The following DCP1B variants were observed in gnomAD, a reference collection of about 807,000 sequenced individuals.
DCP1B encodes decapping mRNA 1B.
Under a neutral mutation model 60.5 loss-of-function variants are expected in DCP1B, and 47 were observed. The observed-to-expected ratio is 0.78, with a 90% CI of 0.61 to 0.99. The LOEUF is 0.99. Among genes scored for constraint, DCP1B ranks in the 50% least tolerant of loss-of-function variants. The probability of loss-of-function intolerance (pLI) is 0.00; values close to 1 mark genes in which losing one functional copy is unlikely to be tolerated. For missense variants in DCP1B, 725 were observed against 756.8 expected, an observed-to-expected ratio of 0.96 and a Z score of 0.49; for synonymous variants, 267 against 280.3, an observed-to-expected ratio of 0.95 and a Z score of 0.47.
chr12:1,977,953 T>C (rs2034938369), intron 3 of DCP1B, among the ~76,000 whole-genome samples: 1 of 152,228 alleles, frequency 6.6e-6, no homozygotes, highest in Non-Finnish European at 1.5e-5. Context: ...TTTTAAACTG[T>C]ATTGTTTTTA....
chr12:2,001,426 A>T (rs902398718), intron 1 of DCP1B, among the ~76,000 whole-genome samples: 18 of 152,248 alleles, frequency 1.2e-4, no homozygotes, highest in African/African-American at 4.3e-4. Context: ...TGCTAAAGAA[A>T]TAAGCAATTC....
At chr12:1,997,344 T>C (rs1291133293) in intron 2 of DCP1B, among the ~76,000 whole-genome samples, 1 of 152,134 alleles carries the variant, frequency 6.6e-6, no homozygotes, top group Non-Finnish European at 1.5e-5. Context: ...CTGACCAACA[T>C]GGTGAAACCT....
rs2031047399 is a variant in DCP1B, at chr12:1,959,641, ATTAG to A, written c.523-4085_523-4082del. Reference sequence around the variant, plus strand: ...ATCCTTGTATACTGTTGGTGGGAATATTAGTTAGCATAGCTATTATGGAAAATAG... The same window carrying A: ...ATCCTTGTATACTGTTGGTGGGAATATTAGCATAGCTATTATGGAAAATAG... On this transcript the variant is annotated intron_variant, in intron 5 of 8. Transcript: ENST00000280665. Among the ~76,000 whole-genome samples, 3 of 152,200 alleles carry A rather than the reference ATTAG, an allele frequency of 2.0e-5. No individual in the cohort carries two copies. The South Asian group carries it at 6.2e-4, about 32-fold the overall frequency.
intron 3 of DCP1B, 78 bp downstream of exon 3, chr12:1,993,186 A>G (rs1350335648): frequency 1.3e-6 from 2 of 1,597,552 alleles, no homozygotes; most frequent in Non-Finnish European, 1.7e-6. Flanking sequence ...TGCAAACACA[A>G]TGGCAAACAC....
intron 7 of DCP1B, chr12:1,950,483 A>G: frequency 1.4e-6 from 1 of 695,152 alleles, no homozygotes; most frequent in East Asian, 2.7e-5. Flanking sequence ...CATTTTTAAA[A>G]AAGGGACAAT....
Position 1,989,105 on chromosome 12 carries a change from T to C in DCP1B, c.319+4159A>G, listed in dbSNP as rs111974657. On this transcript the variant is annotated intron_variant, in intron 3 of 8. Transcript: ENST00000280665. ...CTAGCTCTGAAATATCCCTGTCAGC[T>C]GGGCATGGTGGCTCCCGCCTGTAAT... Among the ~76,000 whole-genome samples, 7 of 152,356 alleles carry C rather than the reference T, an allele frequency of 4.6e-5. 1 individual carries two copies. Among genetic ancestry groups the C allele is most frequent in the African/African-American group, 1.7e-4 (7 of 41,588 alleles).
chr12:1,980,355 G>A (rs2035755231), intron 3 of DCP1B, among the ~76,000 whole-genome samples: 1 of 152,156 alleles, frequency 6.6e-6, no homozygotes, highest in East Asian at 1.9e-4. Flanking sequence ...CTTTTCATGT[G>A]ACTATTGGTA....
intron 5 of DCP1B, among the ~76,000 whole-genome samples, chr12:1,958,683 C>T (rs1378599906): frequency 1.4e-5 from 2 of 142,482 alleles, no homozygotes; most frequent in Non-Finnish European, 3.0e-5. Context: ...TTCCATAAAC[C>T]TCCCGGAAGG....
In DCP1B at chr12:1,948,740, A is replaced by G. The variant is rs751460451; in HGVS notation, c.1773+346T>C. Among the ~76,000 whole-genome samples, 6 of 152,064 alleles carry G rather than the reference A, an allele frequency of 3.9e-5. No homozygotes were observed. The highest frequency in any genetic ancestry group is 8.8e-5 in the Non-Finnish European group (6 of 68,008). On this transcript the variant is annotated intron_variant, in intron 8 of 8. Transcript: ENST00000280665. The surrounding 1 kb of genome is among the most constrained non-coding windows in gnomAD (Gnocchi z 4.8). ...GGACTGCTCCCACCTCTACCTCCCA[A>G]TGGTGAGTTTTCTGTCTGGGCCTCC...
intron 5 of DCP1B, among the ~76,000 whole-genome samples, chr12:1,963,881 C>T (rs2031208726): frequency 6.6e-6 from 1 of 152,112 alleles, no homozygotes; most frequent in African/African-American, 2.4e-5. Flanking sequence ...ACCTAAGAAA[C>T]AAAACATGAA....
intron 1 of DCP1B, among the ~76,000 whole-genome samples, chr12:2,002,874 T>C (rs1349817288): frequency 6.6e-6 from 1 of 152,152 alleles, no homozygotes; most frequent in African/African-American, 2.4e-5. Context: ...ATGTTCTTTA[T>C]GTAAAAACGA....
intron 7 of DCP1B, chr12:1,950,194 C>A: frequency 1.6e-6 from 1 of 608,920 alleles, no homozygotes; most frequent in South Asian, 2.0e-5. Context: ...AATCCCTTAG[C>A]GTCTCTTTGA....
At chr12:1,963,647 G>A (rs1238120035) in intron 5 of DCP1B, among the ~76,000 whole-genome samples, 1 of 152,178 alleles carries the variant, frequency 6.6e-6, no homozygotes, top group Non-Finnish European at 1.5e-5. Context: ...TCTGGTCAGT[G>A]TCCTTGAAGC....
intron 3 of DCP1B, among the ~76,000 whole-genome samples, chr12:1,968,153 A>G (rs2154457204): frequency 1.3e-5 from 2 of 152,210 alleles, no homozygotes; most frequent in Middle Eastern, 3.4e-3. Context: ...GTTCAAGACC[A>G]GCCTGGCCAA....
chr12:1,966,747 T>C (rs977404087), intron 4 of DCP1B, among the ~76,000 whole-genome samples: 9 of 151,720 alleles, frequency 5.9e-5, no homozygotes, highest in African/African-American at 2.2e-4. Flanking sequence ...GTTGTTATGG[T>C]GGTAAATACC....
At chr12:1,967,785 C>T in intron 4 of DCP1B, 59 bp downstream of exon 4, 1 of 1,457,356 alleles carries the variant, frequency 6.9e-7, no homozygotes, top group Non-Finnish European at 9.6e-7. Flanking sequence ...GTTACACACA[C>T]TTAGAAATAC....
intron 1 of DCP1B, among the ~76,000 whole-genome samples, chr12:1,998,497 G>A (rs780053976): frequency 2.0e-5 from 3 of 152,194 alleles, no homozygotes; most frequent in Non-Finnish European, 4.4e-5. Flanking sequence ...ATGCCACAGA[G>A]TTCTCAGATG....
chr12:1,942,269 A>G (rs1207780976), downstream of DCP1B, among the ~76,000 whole-genome samples: 1 of 152,234 alleles, frequency 6.6e-6, no homozygotes, highest in African/African-American at 2.4e-5. Context: ...CACCCAACAC[A>G]GGAGCACCCA....
chr12:1,949,238 T>G lies in DCP1B; in HGVS notation c.1621A>C (p.Arg541=), dbSNP rs1463399754. The change falls in exon 8 of 9, where the codon AGG becomes CGG. Residue 541 remains arginine (R), a synonymous_variant. Coordinates refer to ENST00000280665, the MANE Select transcript of DCP1B (RefSeq NM_152640.5). The part of the protein sequence containing the change: ...AQPTSVPPKE[R]ESGLLPVGGQ... ...CCCACAGGCAAGAGGCCGCTCTCCC[T>G]TTCCTTTGGCGGGACGGAGGTGGGT... 2 of 1,614,144 alleles carry G rather than the reference T, an allele frequency of 1.2e-6. No homozygotes were observed. The highest frequency in any genetic ancestry group is 1.1e-5 in the South Asian group (1 of 91,076).
Sources: allele counts gnomAD v4.1 joint callset (sites outside exome capture counted in the v4.1 genomes callset), GRCh38; gene constraint gnomAD v4.1.1; non-coding constraint Gnocchi (gnomAD v3.1); transcripts MANE v1.5; gene names NCBI Gene and HGNC (gene_info 2026-07-23, HGNC 2026-07-21).